Variants in INPP4B observed in about 807,000 individuals in gnomAD.
The protein encoded by INPP4B is inositol polyphosphate 4-phosphatase type II.
Under a neutral mutation model 122.5 loss-of-function variants are expected in INPP4B, and 55 were observed. The ratio of observed to expected loss-of-function variants is 0.45; its 90% CI spans 0.36 to 0.56. The LOEUF is 0.56. Ranked by LOEUF, INPP4B falls within the 20% of genes least tolerant of loss-of-function variation. The probability of loss-of-function intolerance (pLI) is 0.00; values close to 1 mark genes in which losing one functional copy is unlikely to be tolerated. For synonymous variants in INPP4B, 403 were observed against 388.7 expected (o/e 1.04, Z -0.43); for missense variants, 1,000 against 1,097.7 (o/e 0.91, Z 1.26).
At chr4:142,615,661 C>T (rs959147452) in intron 2 of INPP4B, among the ~76,000 whole-genome samples, 1 of 152,050 alleles carries the variant, frequency 6.6e-6, no homozygotes, top group Non-Finnish European at 1.5e-5. Flanking sequence ...TGTGCCTAAA[C>T]TCCAAAAGGG....
chr4:142,388,665 C>T (rs1056856960), intron 7 of INPP4B, among the ~76,000 whole-genome samples: 3 of 152,108 alleles, frequency 2.0e-5, no homozygotes, highest in Non-Finnish European at 4.4e-5. Context: ...GATTGCTTTG[C>T]ATTTTGAGAG....
chr4:142,660,453 T>G (rs1296521464), intron 2 of INPP4B, among the ~76,000 whole-genome samples: 1 of 152,050 alleles, frequency 6.6e-6, no homozygotes, highest in South Asian at 2.1e-4. Flanking sequence ...TTCTTTTTAT[T>G]CCTTTCTCCT....
At chr4:142,675,482 C>T (rs1472096762) in intron 2 of INPP4B, among the ~76,000 whole-genome samples, 2 of 152,094 alleles carry the variant, frequency 1.3e-5, no homozygotes, top group Non-Finnish European at 2.9e-5. Context: ...AGAGGGAATC[C>T]TCCATAATTC....
chr4:142,318,961 T>C (rs1035906411), intron 7 of INPP4B, among the ~76,000 whole-genome samples: 2 of 152,192 alleles, frequency 1.3e-5, no homozygotes, highest in Admixed American at 6.5e-5. Context: ...CTCAGACTAG[T>C]CAACCTTGTT....
At position 142,112,612 on chromosome 4, in the gene INPP4B, C is replaced by T; in HGVS notation, c.2206G>A (p.Gly736Arg). The change falls in exon 22 of 26, where the codon GGA (glycine) becomes AGA (arginine). Residue 736 changes from glycine to arginine, a missense_variant. Coordinates refer to ENST00000262992, the MANE Select transcript of INPP4B (RefSeq NM_001101669.3). ...FESLPLQIKEGQLLHVYPVLF... is the reference protein window; with the variant it reads ...FESLPLQIKERQLLHVYPVLF... ...ACTGGATACACATGAAGCAACTGTC[C>T]TTCTTTAATCTGTAGAGGTAGTGAC... is the stretch of plus-strand genomic sequence containing the variant. 1 of 1,613,170 alleles carries T rather than the reference C, an allele frequency of 6.2e-7. No homozygotes were observed. Among genetic ancestry groups the T allele is most frequent in the Non-Finnish European group, 8.5e-7 (1 of 1,179,406 alleles).
chr4:142,281,003 C>T (rs1197340311), intron 9 of INPP4B, among the ~76,000 whole-genome samples: 3 of 151,920 alleles, frequency 2.0e-5, no homozygotes, highest in Non-Finnish European at 2.9e-5. Context: ...TTTACCAAGC[C>T]AGTGATGCAT....
chr4:142,592,694 G>C (rs1737770530), intron 2 of INPP4B, among the ~76,000 whole-genome samples: 1 of 152,098 alleles, frequency 6.6e-6, no homozygotes, highest in African/African-American at 2.4e-5. Context: ...TTCTTTTTAA[G>C]TGGAAGCATA....
At chr4:142,576,619 A>G (rs1257179361) in intron 2 of INPP4B, among the ~76,000 whole-genome samples, 2 of 152,008 alleles carry the variant, frequency 1.3e-5, no homozygotes, top group Non-Finnish European at 2.9e-5. Context: ...AGGGGGAAAA[A>G]AAGCACCAGT....
intron 2 of INPP4B, among the ~76,000 whole-genome samples, chr4:142,514,792 C>CTTTTTTTT (rs3078620): frequency 8.2e-6 from 1 of 121,778 alleles, no homozygotes. Context: ...ACCATGATTT[C>CTTTTTTTT]TTTTTTTTTT....
intron 2 of INPP4B, among the ~76,000 whole-genome samples, chr4:142,620,181 C>T (rs1744589615): frequency 6.6e-6 from 1 of 151,898 alleles, no homozygotes; most frequent in South Asian, 2.1e-4. Flanking sequence ...GTAAGTAGCT[C>T]TACCATAAAA....
chr4:142,152,168 G>C (rs1327569199), intron 17 of INPP4B, among the ~76,000 whole-genome samples: 3 of 141,034 alleles, frequency 2.1e-5, no homozygotes, highest in Non-Finnish European at 1.5e-5. Flanking sequence ...CCGCCTCCCG[G>C]GTTCATGCCA....
At chr4:142,426,493 A>T (rs1191909160) in intron 5 of INPP4B, 2 of 152,090 alleles carry the variant, frequency 1.3e-5, no homozygotes, top group East Asian at 1.9e-4. Flanking sequence ...GTAGGGGTGA[A>T]TTATTTAATT....
rs146353517 is a variant in INPP4B at position 142,541,041 on chromosome 4, C to G, written c.-190-78315G>C. Among the ~76,000 whole-genome samples, 406 of 152,276 alleles carry G rather than the reference C, an allele frequency of 2.7e-3. 1 individual carries two copies. The highest frequency in any genetic ancestry group is 9.3e-3 in the African/African-American group (385 of 41,560). ...TGCTAGCAGTCCACATCCTATGGAA[C>G]TATTAGCAGAGACTTCCTAAAGACA... On this transcript the variant is annotated intron_variant, in intron 2 of 25. Transcript: ENST00000262992.
chr4:142,289,336 C>T (rs543621235), intron 9 of INPP4B, among the ~76,000 whole-genome samples: 12 of 152,118 alleles, frequency 7.9e-5, no homozygotes, highest in Admixed American at 1.3e-4. Context: ...CATCTAAACT[C>T]GATAATGTTT....
chr4:142,551,879 G>T (rs1397546189), intron 2 of INPP4B, among the ~76,000 whole-genome samples: 1 of 152,188 alleles, frequency 6.6e-6, no homozygotes, highest in Non-Finnish European at 1.5e-5. Context: ...TTTGAGGTTA[G>T]AAATACTCTA....
chr4:142,195,608 AG>A (rs1209249952), intron 14 of INPP4B, among the ~76,000 whole-genome samples: 1 of 152,170 alleles, frequency 6.6e-6, no homozygotes, highest in Non-Finnish European at 1.5e-5. Flanking sequence ...ACTTCAGTAA[AG>A]CTGTTTTTTA....
At chr4:142,477,399 C>A (rs940664498) in intron 2 of INPP4B, among the ~76,000 whole-genome samples, 1 of 151,352 alleles carries the variant, frequency 6.6e-6, no homozygotes, top group East Asian at 1.9e-4. Context: ...GAAATAAGAG[C>A]AAACCAACCC....
At chr4:142,167,736 A>G (rs1160448289) in intron 16 of INPP4B, among the ~76,000 whole-genome samples, 1 of 151,764 alleles carries the variant, frequency 6.6e-6, no homozygotes, top group Non-Finnish European at 1.5e-5. Flanking sequence ...TATTTGGAAG[A>G]GTAAATATAT....
intron 12 of INPP4B, among the ~76,000 whole-genome samples, chr4:142,214,980 C>A (rs897181824): frequency 8.5e-5 from 13 of 152,260 alleles, no homozygotes; most frequent in Middle Eastern, 3.4e-3. Context: ...GTGTAGCAAC[C>A]AGATATGCCA....
Sources: allele counts gnomAD v4.1 joint callset (sites outside exome capture counted in the v4.1 genomes callset), GRCh38; gene constraint gnomAD v4.1.1; transcripts MANE v1.5; gene names NCBI Gene and HGNC (gene_info 2026-07-23, HGNC 2026-07-21).